The following IQSEC1 variants were observed in gnomAD, a reference collection of about 807,000 sequenced individuals.
The protein encoded by IQSEC1 is IQ motif and Sec7 domain ArfGEF 1.
A neutral mutation model predicts 91.0 loss-of-function variants in IQSEC1; 31 were observed. The observed-to-expected ratio is 0.34, with a 90% CI of 0.26 to 0.46. The LOEUF is 0.46. Among genes scored for constraint, IQSEC1 ranks in the 20% least tolerant of loss-of-function variants. The pLI is 1.00. For missense variants in IQSEC1, 1,388 were observed against 1,575.6 expected, an observed-to-expected ratio of 0.88 and a Z score of 2.02; for synonymous variants, 699 against 662.6, an observed-to-expected ratio of 1.05 and a Z score of -0.84.
chr3:13,161,848 C>A (rs1414225036), intron 2 of IQSEC1, among the ~76,000 whole-genome samples: 1 of 152,174 alleles, frequency 6.6e-6, no homozygotes, highest in Non-Finnish European at 1.5e-5. Context: ...CTGTGTGGCT[C>A]GGAGCTGGGA....
rs572591381 is a variant in IQSEC1, at chr3:13,010,754, G to A, written c.23+62238C>T. 7.2e-5 allele frequency among the ~76,000 whole-genome samples: 11 copies of A among 152,226 alleles called. No individual in the cohort carries two copies. In the East Asian group the frequency reaches 1.5e-3, roughly 21 times the overall value. ...AACTCCCTGCTCAAAAGCTCCTGGCGGCTCCTTCATGCCTGCAGGGAGAGG... is the reference window on the plus strand; with the variant it reads ...AACTCCCTGCTCAAAAGCTCCTGGCAGCTCCTTCATGCCTGCAGGGAGAGG... On this transcript the variant is annotated intron_variant, in intron 1 of 13. Transcript: ENST00000613206.
chr3:13,216,221 T>C (rs534452302), intron 1 of IQSEC1, among the ~76,000 whole-genome samples: 2 of 152,396 alleles, frequency 1.3e-5, no homozygotes, highest in South Asian at 2.1e-4. Flanking sequence ...GTTGCATATG[T>C]AATAACAGCA....
At chr3:13,123,375 G>A (rs550659772) in intron 2 of IQSEC1, among the ~76,000 whole-genome samples, 2 of 152,346 alleles carry the variant, frequency 1.3e-5, no homozygotes, top group Non-Finnish European at 2.9e-5. Context: ...CTGAAGGCTG[G>A]TGCTGGCGGA....
intron 1 of IQSEC1, among the ~76,000 whole-genome samples, chr3:13,023,798 A>G (rs774602081): frequency 6.6e-6 from 1 of 152,210 alleles, no homozygotes; most frequent in Non-Finnish European, 1.5e-5. Context: ...GGGACTCGGA[A>G]ACCCAAATTC....
chr3:13,084,714 C>T (rs1002118041), intron 2 of IQSEC1, among the ~76,000 whole-genome samples: 3 of 152,150 alleles, frequency 2.0e-5, no homozygotes, highest in Non-Finnish European at 4.4e-5. Context: ...GGCTCTGAAC[C>T]GACTCAGCTC....
In IQSEC1 at chr3:12,908,667, G is replaced by T. The variant is rs1695253087; in HGVS notation, c.2579-142C>A. The T allele has an allele frequency of 2.3e-6, 2 of 862,638 alleles. No individual in the cohort carries two copies. Among genetic ancestry groups the T allele is most frequent in the Admixed American group, 4.7e-5 (2 of 42,708 alleles). 53.4% of individuals were successfully genotyped at this position (862,638 alleles called of 1,614,324 possible). On this transcript the variant is annotated intron_variant, in intron 11 of 13. Transcript: ENST00000613206. The surrounding 1 kb of genome is among the most constrained non-coding windows in gnomAD (Gnocchi z 4.9). ...AAGGGTTGTTTCTGGGAAAGAGGGTGTGATGGCCACCCTGGACAAAAGAGC... is the reference window on the plus strand; with the variant it reads ...AAGGGTTGTTTCTGGGAAAGAGGGTTTGATGGCCACCCTGGACAAAAGAGC...
chr3:13,041,351 C>A (rs1452827753), intron 1 of IQSEC1, among the ~76,000 whole-genome samples: 1 of 152,192 alleles, frequency 6.6e-6, no homozygotes, highest in African/African-American at 2.4e-5. Flanking sequence ...AGAGCAGGGA[C>A]TTCCTTTCTA....
intron 1 of IQSEC1, among the ~76,000 whole-genome samples, chr3:12,948,567 G>A (rs1699332284): frequency 6.6e-6 from 1 of 152,212 alleles, no homozygotes; most frequent in South Asian, 2.1e-4. Context: ...GGGGGCTGTG[G>A]CCTCTCAGCC....
chr3:12,993,409 C>G (rs1249183873), intron 1 of IQSEC1, among the ~76,000 whole-genome samples: 2 of 144,388 alleles, frequency 1.4e-5, no homozygotes, highest in Non-Finnish European at 3.0e-5. Context: ...CTCGCAGGCT[C>G]GGGACCCTGG....
intron 2 of IQSEC1, among the ~76,000 whole-genome samples, chr3:13,108,792 T>C (rs1706194579): frequency 6.6e-6 from 1 of 152,222 alleles, no homozygotes; most frequent in Non-Finnish European, 1.5e-5. Flanking sequence ...CGCAACCAGA[T>C]AAGCATCATC....
Position 13,073,184 on chromosome 3 carries a change from G to GGT in IQSEC1, c.-171_-170insAC. ...GGCTCCTCCAGGGAGGCTGGGGCGG[G>GGT]AGCGGGGGGCGGCGCCAGCAGCGGG... On this transcript the variant is annotated 5_prime_UTR_variant, in exon 1 of 14. Coordinates refer to ENST00000613206, the MANE Select transcript of IQSEC1 (RefSeq NM_001134382.3). 2 of 663,418 alleles carry GGT rather than the reference G, an allele frequency of 3.0e-6. No individual in the cohort carries two copies. The highest frequency in any genetic ancestry group is 5.2e-6 in the Non-Finnish European group (2 of 387,970). 41.1% of individuals were successfully genotyped at this position (663,418 alleles called of 1,614,324 possible).
At chr3:13,260,901 C>CATATGAGGTG (rs1695374549) in intron 1 of IQSEC1, among the ~76,000 whole-genome samples, 1 of 152,186 alleles carries the variant, frequency 6.6e-6, no homozygotes, top group African/African-American at 2.4e-5. Flanking sequence ...TATGAGGAGT[C>CATATGAGGTG]CCCAGTGCTG....
rs1218559478 is a variant in IQSEC1 at position 13,193,308 on chromosome 3, C to A, written c.273-29175G>T. Among the ~76,000 whole-genome samples the A allele has an allele frequency of 6.6e-6, 1 of 152,210 alleles. No homozygotes were observed. The highest frequency in any genetic ancestry group is 2.4e-5 in the African/African-American group (1 of 41,452). On this transcript the variant is annotated intron_variant, in intron 1 of 15. Coordinates refer to the IQSEC1 transcript ENST00000648114. This position sits in a 1 kb window ranked among gnomAD's most constrained non-coding sequence, Gnocchi z 4.2. ...GATGACTGCGCTTCTGAGCCATTTCCGGCCTGTGGCAATGTCTTTTACATT... is the reference window on the plus strand; with the variant it reads ...GATGACTGCGCTTCTGAGCCATTTCAGGCCTGTGGCAATGTCTTTTACATT...
intron 1 of IQSEC1, among the ~76,000 whole-genome samples, chr3:13,166,027 C>A (rs1317871690): frequency 6.6e-6 from 1 of 152,196 alleles, no homozygotes; most frequent in African/African-American, 2.4e-5. Context: ...GTTCAGGGAT[C>A]CTTTCTTCGG....
At chr3:12,921,081 C>T (rs2125173878) in intron 5 of IQSEC1, among the ~76,000 whole-genome samples, 1 of 152,296 alleles carries the variant, frequency 6.6e-6, no homozygotes, top group South Asian at 2.1e-4. Flanking sequence ...TCAGGTTCAA[C>T]AGCTGTGGAC....
chr3:13,235,576 G>T (rs780825741), intron 1 of IQSEC1, among the ~76,000 whole-genome samples: 30 of 152,118 alleles, frequency 2.0e-4, no homozygotes, highest in Admixed American at 4.6e-4. Context: ...GCTGGAGGTG[G>T]GTGCTGTCTG....
chr3:13,205,057 C>T (rs1288073056), intron 1 of IQSEC1, among the ~76,000 whole-genome samples: 1 of 151,890 alleles, frequency 6.6e-6, no homozygotes, highest in Non-Finnish European at 1.5e-5. Flanking sequence ...CTCGACCTCC[C>T]AAAGTGCTGG....
intron 1 of IQSEC1, among the ~76,000 whole-genome samples, chr3:13,242,572 A>G (rs1576307663): frequency 6.6e-6 from 1 of 152,128 alleles, no homozygotes; most frequent in African/African-American, 2.4e-5. Context: ...GTGTCCGTCC[A>G]CTACACAGTG....
intron 2 of IQSEC1, among the ~76,000 whole-genome samples, chr3:13,082,655 T>G (rs1705664182): frequency 6.6e-6 from 1 of 152,186 alleles, no homozygotes; most frequent in South Asian, 2.1e-4. Context: ...CCCTTCTTAC[T>G]GTTCTAAACC....
Sources: gnomAD v4.1 joint callset for allele counts (sites outside exome capture counted in the v4.1 genomes callset) on GRCh38, gnomAD v4.1.1 for gene constraint, Gnocchi (gnomAD v3.1) non-coding constraint, MANE v1.5 for transcripts, NCBI Gene and HGNC (gene_info 2026-07-23, HGNC 2026-07-21) for gene names.